FBXO33: variants seen among roughly 807,000 people sequenced by gnomAD.
The protein encoded by FBXO33 is F-box only protein 33.
In FBXO33, 22 loss-of-function variants were observed where a neutral mutation model predicts 46.3. The ratio of observed to expected loss-of-function variants is 0.48; its 90% CI spans 0.34 to 0.68. The LOEUF is 0.68. Ranked by LOEUF, FBXO33 falls within the 30% of genes least tolerant of loss-of-function variation. The probability of loss-of-function intolerance (pLI) is 0.01; values close to 1 mark genes in which losing one functional copy is unlikely to be tolerated. For synonymous variants in FBXO33, 337 were observed against 291.3 expected (o/e 1.16, Z -1.60); for missense variants, 692 against 708.8 (o/e 0.98, Z 0.27).
chr14:39,431,985 C>T lies in FBXO33; in HGVS notation c.178G>A (p.Ala60Thr), dbSNP rs1422743444. 2 of 1,446,164 alleles carry T rather than the reference C, an allele frequency of 1.4e-6. No individual in the cohort carries two copies. Among genetic ancestry groups the T allele is most frequent in the Non-Finnish European group, 1.8e-6 (2 of 1,112,966 alleles). 89.6% of individuals were successfully genotyped at this position (1,446,164 alleles called of 1,614,324 possible). The change falls in exon 1 of 4, where the codon GCT becomes ACT. Residue 60 changes from alanine (A) to threonine (T), a missense_variant. Physicochemically the swap from Ala to Thr is moderately conservative, Grantham distance 58. This residue lies in a region of FBXO33 where 412 missense variants were observed against 370.8 expected (regional missense o/e 1.11). Coordinates refer to ENST00000298097, the MANE Select transcript of FBXO33 (RefSeq NM_203301.4). ...GAGSRRRGRM[A>T]LCGQAAGAAS... is the part of the protein sequence containing the mutation. ...GCGCCCGCCGCCTGCCCGCACAGAG[C>T]CATCCGGCCCCGCCGCCGGCTGCCG...
rs189556054 is a variant in FBXO33, at chr14:39,424,384, A to G, written c.599+7180T>C. ...TAACGTGTTTTCTGTCTTCTTTTCC[A>G]TAAGAAAAAGCTCTATGATGGCAGG... On this transcript the variant is annotated intron_variant, in intron 1 of 3. Transcript: ENST00000298097. Among the ~76,000 whole-genome samples the G allele has an allele frequency of 1.9e-3, 287 of 152,354 alleles. 1 individual carries two copies. Among genetic ancestry groups the G allele is most frequent in the African/African-American group, 6.4e-3 (267 of 41,584 alleles).
rs996168273 is a variant in FBXO33 at position 39,397,926 on chromosome 14, ACT to A, written c.*1588_*1589del. The A allele has an allele frequency of 6.6e-6, 1 of 152,626 alleles. No homozygotes were observed. The highest frequency in any genetic ancestry group is 1.5e-5 in the Non-Finnish European group (1 of 68,044). The allele number at this position is 152,626 out of a possible 1,614,324, so 9.5% of individuals were successfully genotyped here. On this transcript the variant is annotated 3_prime_UTR_variant, in exon 4 of 4. Coordinates refer to ENST00000298097, the MANE Select transcript of FBXO33 (RefSeq NM_203301.4). Reference sequence around the variant, plus strand: ...CTCACCACATCTGGCATTTACACACACTGTGCCAGTGGATTCACACTACTGAT... The same window carrying A: ...CTCACCACATCTGGCATTTACACACAGTGCCAGTGGATTCACACTACTGAT...
chr14:39,400,322 A>G (rs1427786097), intron 3 of FBXO33, among the ~76,000 whole-genome samples: 1 of 152,230 alleles, frequency 6.6e-6, no homozygotes, highest in Non-Finnish European at 1.5e-5. Flanking sequence ...CAACTTCAGA[A>G]TAATAACTAC....
At position 39,402,391 on chromosome 14, in the gene FBXO33, T is replaced by G. The variant is rs1291771662; in HGVS notation, c.710+10A>C. 2 of 1,459,610 alleles carry G rather than the reference T, an allele frequency of 1.4e-6. No individual in the cohort carries two copies. Among genetic ancestry groups the G allele is most frequent in the South Asian group, 2.6e-5 (2 of 77,396 alleles). 90.4% of individuals were successfully genotyped at this position (1,459,610 alleles called of 1,614,324 possible). ...AGTACAACCTCCTTTCCATTAACCA[T>G]ATAACTTACTGTTTAATTTTTTTGC... On this transcript the variant is annotated intron_variant, in intron 2 of 3. Coordinates refer to ENST00000298097, the MANE Select transcript of FBXO33 (RefSeq NM_203301.4).
intron 1 of FBXO33, among the ~76,000 whole-genome samples, chr14:39,418,060 CTATTAT>C (rs1293206244): frequency 6.6e-6 from 1 of 151,576 alleles, no homozygotes; most frequent in East Asian, 1.9e-4. Flanking sequence ...TTCAAATTTT[CTATTAT>C]TATTATTATT....
intron 1 of FBXO33, among the ~76,000 whole-genome samples, chr14:39,427,627 A>G (rs544239744): frequency 8.5e-4 from 130 of 152,232 alleles, no homozygotes; most frequent in African/African-American, 3.0e-3. Context: ...TGTCCAGGGA[A>G]TTTTTAACCC....
At chr14:39,413,482 T>G (rs1452395342) in intron 1 of FBXO33, among the ~76,000 whole-genome samples, 3 of 152,236 alleles carry the variant, frequency 2.0e-5, no homozygotes, top group Non-Finnish European at 4.4e-5. Context: ...AATGTTGATA[T>G]TTTGATCTCC....
intron 1 of FBXO33, 151 bp downstream of exon 1, chr14:39,431,413 G>T (rs1355408839): frequency 7.1e-7 from 1 of 1,400,882 alleles, no homozygotes. Flanking sequence ...TCCGCTCAAG[G>T]AAACCGCCTA....
chr14:39,419,059 C>T (rs528104517), intron 1 of FBXO33, among the ~76,000 whole-genome samples: 54 of 152,320 alleles, frequency 3.5e-4, no homozygotes, highest in African/African-American at 1.2e-3. Context: ...TTATCGAATT[C>T]ATTCCTCTCC....
At position 39,432,393 on chromosome 14, in the gene FBXO33, G is replaced by A. The variant is rs1396281643; in HGVS notation, c.-231C>T. The A allele has an allele frequency of 1.1e-5, 3 of 273,504 alleles. No individual in the cohort carries two copies. The highest frequency in any genetic ancestry group is 4.5e-5 in the African/African-American group (2 of 44,712). The allele number at this position is 273,504 out of a possible 1,614,324, so 16.9% of individuals were successfully genotyped here. On this transcript the variant is annotated 5_prime_UTR_variant, in exon 1 of 4. Coordinates refer to ENST00000298097, the MANE Select transcript of FBXO33 (RefSeq NM_203301.4). ...CCTCAAGGCGTACTGTAAGGAAAAG[G>A]CAGCCCTCCCTGCGCCGGTCGGCAG... is the stretch of plus-strand genomic sequence containing the variant.
intron 1 of FBXO33, among the ~76,000 whole-genome samples, chr14:39,423,675 T>C (rs1355231895): frequency 6.6e-6 from 1 of 152,208 alleles, no homozygotes; most frequent in Admixed American, 6.5e-5. Flanking sequence ...ATCTTGCTTA[T>C]ATGAAGTCCA....
intron 1 of FBXO33, among the ~76,000 whole-genome samples, chr14:39,416,590 C>G (rs562867465): frequency 6.6e-6 from 1 of 152,102 alleles, no homozygotes; most frequent in Admixed American, 6.5e-5. Context: ...TCGATTCTTT[C>G]TTCTGCTTGA....
At chr14:39,409,598 T>C (rs1428201441) in intron 1 of FBXO33, among the ~76,000 whole-genome samples, 1 of 152,240 alleles carries the variant, frequency 6.6e-6, no homozygotes, top group Non-Finnish European at 1.5e-5. Context: ...GGGTTGTTTT[T>C]CTATTTCTGT....
At chr14:39,417,594 G>C (rs1412386970) in intron 1 of FBXO33, among the ~76,000 whole-genome samples, 1 of 151,698 alleles carries the variant, frequency 6.6e-6, no homozygotes, top group Admixed American at 6.6e-5. Flanking sequence ...GCAATGGCAC[G>C]ATCTTGGCTC....
At position 39,432,235 on chromosome 14, in the gene FBXO33, G is replaced by C; in HGVS notation, c.-73C>G. The C allele has an allele frequency of 8.7e-7, 1 of 1,143,352 alleles. No individual in the cohort carries two copies. The highest frequency in any genetic ancestry group is 1.1e-6 in the Non-Finnish European group (1 of 923,734). 70.8% of individuals were successfully genotyped at this position (1,143,352 alleles called of 1,614,324 possible). ...CCAAGTAGAACACAAGTTGTGGAGA[G>C]GGGGAAAGGCCTCTGCGGGCGTGGC... is the stretch of plus-strand genomic sequence containing the variant. On this transcript the variant is annotated 5_prime_UTR_variant, in exon 1 of 4. Transcript: ENST00000298097.
In FBXO33 at chr14:39,431,648, A is replaced by G. The variant is rs1168466579; in HGVS notation, c.515T>C (p.Leu172Pro). 9 of 1,613,512 alleles carry G rather than the reference A, an allele frequency of 5.6e-6. No individual in the cohort carries two copies. The highest frequency in any genetic ancestry group is 7.6e-6 in the Non-Finnish European group (9 of 1,180,018). ...TTCCAGCCAACGAGCTGAGAGCTGC[A>G]GGGCCTCGACTTCCTCCCCTCCAGT... ...TGTGGEEVEA[L>P]QLSARWLEVL... The change falls in exon 1 of 4, where the codon CTG becomes CCG. Residue 172 changes from leucine to proline, a missense_variant. Leu to Pro is a moderately conservative substitution (Grantham distance 98, BLOSUM62 -3). Around this residue, in one of 3 missense-constraint regions of FBXO33, gnomAD observed 412 missense variants for 370.8 expected, o/e 1.11. Coordinates refer to ENST00000298097, the MANE Select transcript of FBXO33 (RefSeq NM_203301.4).
intron 1 of FBXO33, among the ~76,000 whole-genome samples, chr14:39,418,402 C>G (rs931408931): frequency 2.0e-5 from 3 of 151,432 alleles, no homozygotes; most frequent in Non-Finnish European, 4.4e-5. Context: ...TACTTAAGAA[C>G]TCAGAAAAAC....
intron 1 of FBXO33, among the ~76,000 whole-genome samples, chr14:39,420,845 C>T (rs2075479565): frequency 1.3e-5 from 2 of 152,174 alleles, no homozygotes; most frequent in African/African-American, 2.4e-5. Context: ...GCAGTCACTT[C>T]TCTAATTGTG....
chr14:39,427,388 A>G (rs985086306), intron 1 of FBXO33, among the ~76,000 whole-genome samples: 1 of 152,184 alleles, frequency 6.6e-6, no homozygotes, highest in Admixed American at 6.5e-5. Flanking sequence ...CAGGAAACTA[A>G]TTCTTGAACA....
Sources: gnomAD v4.1 joint callset for allele counts (sites outside exome capture counted in the v4.1 genomes callset) on GRCh38, gnomAD v4.1.1 for gene constraint, gnomAD v4.1.1 regional missense constraint, MANE v1.5 for transcripts, NCBI Gene and HGNC (gene_info 2026-07-23, HGNC 2026-07-21) for gene names.